Variants in SNTG2 observed in about 807,000 individuals in gnomAD.
The protein encoded by SNTG2 is syntrophin gamma 2.
In SNTG2, 74 loss-of-function variants were observed where a neutral mutation model predicts 70.9. That is an observed-to-expected ratio of 1.04 (90% confidence interval 0.86 to 1.27). The LOEUF (loss-of-function observed/expected upper bound fraction) is 1.27, where lower values mean the gene tolerates loss of function less well. Among genes scored for constraint, SNTG2 ranks in the 50% most tolerant of loss-of-function variants. The pLI, the probability that SNTG2 is intolerant of heterozygous loss-of-function variation, is 0.00. For missense variants in SNTG2, 717 were observed against 690.7 expected (o/e 1.04, Z -0.43); for synonymous variants, 278 against 273.8 (o/e 1.02, Z -0.15).
At chr2:1,172,596 A>G (rs966614956) in intron 7 of SNTG2, among the ~76,000 whole-genome samples, 3 of 152,192 alleles carry the variant, frequency 2.0e-5, no homozygotes, top group African/African-American at 4.8e-5. Context: ...CTCTGGTTGC[A>G]TGAGCCTGTA....
At chr2:1,248,670 G>A (rs1677578064) in intron 12 of SNTG2, among the ~76,000 whole-genome samples, 1 of 152,194 alleles carries the variant, frequency 6.6e-6, no homozygotes, top group Admixed American at 6.5e-5. Flanking sequence ...TTTGAGCAGA[G>A]CTAAGATATT....
intron 1 of SNTG2, among the ~76,000 whole-genome samples, chr2:967,508 C>T (rs6733572): frequency 0.34 from 52,095 of 151,978 alleles, 9,659 homozygotes; most frequent in Middle Eastern, 0.47. Context: ...GTAAGTTACA[C>T]ATTGATTCTG....
intron 9 of SNTG2, among the ~76,000 whole-genome samples, chr2:1,228,158 G>A (rs114516143): frequency 0.01 from 1,576 of 152,348 alleles, 24 homozygotes; most frequent in African/African-American, 0.036. Flanking sequence ...ACCTCCCAGC[G>A]TGGGATGAAG....
chr2:1,053,650 G>C (rs1662205742), intron 1 of SNTG2, among the ~76,000 whole-genome samples: 1 of 152,102 alleles, frequency 6.6e-6, no homozygotes, highest in African/African-American at 2.4e-5. Context: ...ATCCATCTCT[G>C]TCGTCCTCTC....
chr2:1,078,869 C>T (rs1241388888), intron 1 of SNTG2, among the ~76,000 whole-genome samples: 1 of 152,142 alleles, frequency 6.6e-6, no homozygotes, highest in Non-Finnish European at 1.5e-5. Flanking sequence ...AGGAAGGTCA[C>T]AGGAACTGAG....
At chr2:1,054,292 A>C (rs925132275) in intron 1 of SNTG2, among the ~76,000 whole-genome samples, 1 of 151,428 alleles carries the variant, frequency 6.6e-6, no homozygotes, top group Non-Finnish European at 1.5e-5. Context: ...GAGGCGGCCC[A>C]CACCTGGGCT....
At chr2:1,142,062 G>A (rs1310186992) in intron 6 of SNTG2, among the ~76,000 whole-genome samples, 1 of 152,190 alleles carries the variant, frequency 6.6e-6, no homozygotes, top group Non-Finnish European at 1.5e-5. Context: ...AACAGACTTG[G>A]ACTTCCCTTT....
chr2:951,017 G>A lies in SNTG2; in HGVS notation c.21G>A (p.Pro7=). The part of the protein sequence containing the change: MGTEGP[P]PPAASRGRQG... ...CGGCGATGGGCACCGAGGGACCCCC[G>A]CCCCCGGCCGCCTCCCGCGGACGCC... Residue 7 remains proline, a synonymous_variant, in exon 1 of 17, where the codon CCG becomes CCA. Coordinates refer to ENST00000308624, the MANE Select transcript of SNTG2 (RefSeq NM_018968.4). 1.6e-6 allele frequency: 2 copies of A among 1,261,780 alleles called. No homozygotes were observed. Among genetic ancestry groups the A allele is most frequent in the Non-Finnish European group, 2.0e-6 (2 of 1,006,508 alleles). The allele number at this position is 1,261,780 out of a possible 1,614,324, so 78.2% of individuals were successfully genotyped here.
At chr2:1,273,273 A>G (rs1572902463) in intron 14 of SNTG2, among the ~76,000 whole-genome samples, 2 of 152,096 alleles carry the variant, frequency 1.3e-5, no homozygotes, top group African/African-American at 4.8e-5. Context: ...CTCACAGAAC[A>G]CCAATCTCTT....
chr2:1,030,481 G>T (rs1187039055), intron 1 of SNTG2, among the ~76,000 whole-genome samples: 1 of 152,174 alleles, frequency 6.6e-6, no homozygotes, highest in African/African-American at 2.4e-5. Context: ...ATTGGAGGCT[G>T]CTCACATGTG....
rs937507261 is a variant in SNTG2, at chr2:1,067,310, C to T, written c.73-16208C>T. On this transcript the variant is annotated intron_variant, in intron 1 of 16. Transcript: ENST00000308624. ...TTCCATTTAATGTTTATAACATCAC[C>T]GGTTTATCACTATGTCATAGTTAGT... 8.6e-5 allele frequency among the ~76,000 whole-genome samples: 13 copies of T among 151,948 alleles called. 1 individual carries two copies. The highest frequency in any genetic ancestry group is 8.3e-4 in the South Asian group (4 of 4,816).
chr2:980,340 T>C lies in SNTG2; in HGVS notation c.72+29272T>C, dbSNP rs538858497. ...ACGAGAAAGAATAAGCATCCTTGAG[T>C]AAACTAAAACAGCTGATGATGAATA... On this transcript the variant is annotated intron_variant, in intron 1 of 16. Transcript: ENST00000308624. 2.7e-4 allele frequency among the ~76,000 whole-genome samples: 41 copies of C among 152,278 alleles called. 1 individual carries two copies. The highest frequency in any genetic ancestry group is 1.2e-3 in the Admixed American group (18 of 15,296).
intron 13 of SNTG2, among the ~76,000 whole-genome samples, chr2:1,261,756 A>T (rs1310520059): frequency 6.6e-6 from 1 of 152,158 alleles, no homozygotes; most frequent in Non-Finnish European, 1.5e-5. Context: ...GAACCTTGCT[A>T]AGCACTTAGC....
intron 12 of SNTG2, among the ~76,000 whole-genome samples, chr2:1,248,150 T>G (rs1357239504): frequency 6.6e-6 from 1 of 152,234 alleles, no homozygotes; most frequent in Non-Finnish European, 1.5e-5. Context: ...AATGAAAAGA[T>G]AAAACCAAGT....
Position 1,179,948 on chromosome 2 carries a change from G to C in SNTG2, c.591+6765G>C, listed in dbSNP as rs76491173. On this transcript the variant is annotated intron_variant, in intron 8 of 16. Coordinates refer to ENST00000308624, the MANE Select transcript of SNTG2 (RefSeq NM_018968.4). ...ACTATCTGATCTTTGACAAACCTGA[G>C]AAAAACAAGCAATGGGGAAAGGATT... Among the ~76,000 whole-genome samples, 4 of 136,648 alleles carry C rather than the reference G, an allele frequency of 2.9e-5. 1 individual carries two copies. Among genetic ancestry groups the C allele is most frequent in the African/African-American group, 5.3e-5 (2 of 37,964 alleles). 89.6% of individuals were successfully genotyped at this position (136,648 alleles called of 152,430 possible).
At chr2:1,190,823 G>A (rs1023954792) in intron 8 of SNTG2, among the ~76,000 whole-genome samples, 13 of 151,932 alleles carry the variant, frequency 8.6e-5, no homozygotes, top group Admixed American at 2.0e-4. Flanking sequence ...ATGCTGCCAC[G>A]ATGTGTATTG....
chr2:950,910 C>G lies in SNTG2; in HGVS notation c.-87C>G. 3.3e-6 allele frequency: 2 copies of G among 608,650 alleles called. No homozygotes were observed. The highest frequency in any genetic ancestry group is 4.5e-6 in the Non-Finnish European group (2 of 442,378). 37.7% of individuals were successfully genotyped at this position (608,650 alleles called of 1,614,324 possible). On this transcript the variant is annotated 5_prime_UTR_variant, in exon 1 of 17. Transcript: ENST00000308624. ...CAGAGGGGCGCGGGCGCGGACGCGG[C>G]GCCTGGCGGGGCCCTGGGAGGCTCG... is the stretch of plus-strand genomic sequence containing the variant.
chr2:971,458 TA>T (rs1368607193), intron 1 of SNTG2, among the ~76,000 whole-genome samples: 1 of 152,142 alleles, frequency 6.6e-6, no homozygotes, highest in African/African-American at 2.4e-5. Flanking sequence ...GAGGTGTTCA[TA>T]ATAGTCTCTT....
chr2:1,223,469 C>T (rs577936392), intron 9 of SNTG2, among the ~76,000 whole-genome samples: 2 of 152,368 alleles, frequency 1.3e-5, no homozygotes, highest in South Asian at 4.1e-4. Flanking sequence ...CCAACTGCGT[C>T]GGATTCCTCA....
Sources: gnomAD v4.1 joint callset for allele counts (sites outside exome capture counted in the v4.1 genomes callset) on GRCh38, gnomAD v4.1.1 for gene constraint, MANE v1.5 for transcripts, NCBI Gene and HGNC (gene_info 2026-07-23, HGNC 2026-07-21) for gene names.